Variants in TIAM1 observed in about 807,000 individuals in gnomAD.
TIAM1 encodes the protein TIAM Rac1 associated GEF 1.
Under a neutral mutation model 163.5 loss-of-function variants are expected in TIAM1, and 65 were observed. That is an observed-to-expected ratio of 0.40 (90% CI 0.33 to 0.49). TIAM1 has a LOEUF of 0.49. Among genes scored for constraint, TIAM1 ranks in the 20% least tolerant of loss-of-function variants. The probability of loss-of-function intolerance (pLI) is 0.77; values close to 1 mark genes in which losing one functional copy is unlikely to be tolerated. For synonymous variants in TIAM1, 833 were observed against 810.1 expected (o/e 1.03, Z -0.48); for missense variants, 1,789 against 2,044.7 (o/e 0.87, Z 2.41).
chr21:31,536,609 A>G (rs2048143196), intron 1 of TIAM1, among the ~76,000 whole-genome samples: 1 of 152,222 alleles, frequency 6.6e-6, no homozygotes, highest in Non-Finnish European at 1.5e-5. Context: ...AAAAACCTAT[A>G]GTCACCCCAC....
chr21:31,271,222 A>T (rs1037189820), intron 3 of TIAM1, among the ~76,000 whole-genome samples: 20 of 150,592 alleles, frequency 1.3e-4, no homozygotes. Context: ...CCATTAAAAA[A>T]AACACCAAAA....
intron 2 of TIAM1, among the ~76,000 whole-genome samples, chr21:31,307,611 G>A (rs948702363): frequency 2.0e-5 from 3 of 152,072 alleles, no homozygotes; most frequent in Admixed American, 6.6e-5. Context: ...AGGTGGGTGC[G>A]ATCATCTAAT....
At chr21:31,450,818 C>T (rs2044806193) in intron 2 of TIAM1, among the ~76,000 whole-genome samples, 1 of 152,144 alleles carries the variant, frequency 6.6e-6, no homozygotes, top group Non-Finnish European at 1.5e-5. Flanking sequence ...TCTCATGAGA[C>T]TTATTCACTA....
intron 2 of TIAM1, among the ~76,000 whole-genome samples, chr21:31,408,941 T>C (rs761635524): frequency 1.3e-5 from 2 of 152,232 alleles, no homozygotes; most frequent in Non-Finnish European, 2.9e-5. Flanking sequence ...CAACACACTT[T>C]GAGTGCCACC....
intron 2 of TIAM1, among the ~76,000 whole-genome samples, chr21:31,332,210 C>T (rs1389496186): frequency 1.3e-5 from 2 of 151,916 alleles, no homozygotes. Context: ...AATACAACAC[C>T]AAAAATATAA....
intron 1 of TIAM1, among the ~76,000 whole-genome samples, chr21:31,551,487 C>T (rs2048685917): frequency 6.6e-6 from 1 of 152,028 alleles, no homozygotes; most frequent in Admixed American, 6.6e-5. Flanking sequence ...CACCTGTAAT[C>T]CAGAACTTTG....
chr21:31,436,968 A>C (rs1376885653), intron 2 of TIAM1, among the ~76,000 whole-genome samples: 5 of 152,170 alleles, frequency 3.3e-5, no homozygotes, highest in African/African-American at 1.2e-4. Context: ...AACAATAAAA[A>C]TAAAAATAAA....
At chr21:31,394,986 C>G (rs1005745227) in intron 2 of TIAM1, among the ~76,000 whole-genome samples, 1 of 152,086 alleles carries the variant, frequency 6.6e-6, no homozygotes, top group African/African-American at 2.4e-5. Context: ...ACCTGTAACC[C>G]CAGCACTTTG....
intron 16 of TIAM1, among the ~76,000 whole-genome samples, chr21:31,155,659 C>G (rs918345189): frequency 1.1e-3 from 167 of 152,292 alleles, no homozygotes; most frequent in African/African-American, 3.9e-3. Context: ...CGCCCGCCAC[C>G]ACGCCCGGCT....
Position 31,399,505 on chromosome 21 carries a change from T to A in TIAM1, c.-368-60083A>T, listed in dbSNP as rs930891204. Among the ~76,000 whole-genome samples the A allele has an allele frequency of 2.2e-4, 33 of 152,158 alleles. 1 individual carries two copies. The highest frequency in any genetic ancestry group is 9.8e-4 in the Admixed American group (15 of 15,266). ...GACAGAATGAATTGTATGCATCCAC[T>A]GTGGGGGGAAATACCTTCTTCATCT... On this transcript the variant is annotated intron_variant, in intron 2 of 28. Coordinates refer to the TIAM1 transcript ENST00000286827.
chr21:31,438,923 T>A, intron 2 of TIAM1, among the ~76,000 whole-genome samples: 1 of 152,218 alleles, frequency 6.6e-6, no homozygotes, highest in Admixed American at 6.5e-5. Context: ...GGCAGTTTCA[T>A]CCCCAGTTGA....
At chr21:31,190,050 G>A (rs973079495) in intron 13 of TIAM1, among the ~76,000 whole-genome samples, 1 of 152,116 alleles carries the variant, frequency 6.6e-6, no homozygotes, top group Non-Finnish European at 1.5e-5. Flanking sequence ...AATACAGGAA[G>A]GGATCATGAG....
intron 2 of TIAM1, among the ~76,000 whole-genome samples, chr21:31,388,212 A>AACACACAC (rs11369323): frequency 0.012 from 1,417 of 115,864 alleles, 27 homozygotes; most frequent in African/African-American, 0.04. Flanking sequence ...AGAAGACCCT[A>AACACACAC]ACACACACAC....
At chr21:31,519,312 A>AG (rs1443599776) in intron 1 of TIAM1, among the ~76,000 whole-genome samples, 1 of 147,884 alleles carries the variant, frequency 6.8e-6, no homozygotes, top group East Asian at 1.9e-4. Flanking sequence ...TCTCAAAAAA[A>AG]AAAAAAAAAA....
At chr21:31,456,811 C>T (rs950748130) in intron 2 of TIAM1, among the ~76,000 whole-genome samples, 1 of 152,132 alleles carries the variant, frequency 6.6e-6, no homozygotes, top group African/African-American at 2.4e-5. Context: ...TTTACTTAAA[C>T]ATCATCCCAC....
At chr21:31,463,088 C>T (rs1024192040) in intron 2 of TIAM1, among the ~76,000 whole-genome samples, 1 of 152,082 alleles carries the variant, frequency 6.6e-6, no homozygotes, top group Non-Finnish European at 1.5e-5. Context: ...GGGCTGGGGA[C>T]GCAGGCTGTG....
At chr21:31,322,537 G>A (rs1311306366) in intron 2 of TIAM1, among the ~76,000 whole-genome samples, 5 of 152,082 alleles carry the variant, frequency 3.3e-5, no homozygotes, top group Admixed American at 6.5e-5. Context: ...CACCCTGCTC[G>A]CCTGTGACAG....
intron 13 of TIAM1, among the ~76,000 whole-genome samples, chr21:31,194,286 G>C: frequency 6.6e-6 from 1 of 152,138 alleles, no homozygotes; most frequent in East Asian, 1.9e-4. Context: ...TCATAGTTGT[G>C]AGTATGACCA....
At chr21:31,333,197 G>A (rs774059694) in intron 2 of TIAM1, among the ~76,000 whole-genome samples, 2 of 152,224 alleles carry the variant, frequency 1.3e-5, no homozygotes, top group Non-Finnish European at 2.9e-5. Context: ...CCCGAGGGCT[G>A]AGGATCTGGG....
Sources: gnomAD v4.1 joint callset for allele counts (sites outside exome capture counted in the v4.1 genomes callset) on GRCh38, gnomAD v4.1.1 for gene constraint, MANE v1.5 for transcripts, NCBI Gene and HGNC (gene_info 2026-07-23, HGNC 2026-07-21) for gene names.